The following CCSER1 variants were observed in gnomAD, a reference collection of about 807,000 sequenced individuals.
The protein encoded by CCSER1 is serine-rich coiled-coil domain-containing protein 1.
In CCSER1, 41 loss-of-function variants were observed where a neutral mutation model predicts 82.0. The ratio of observed to expected loss-of-function variants is 0.50; its 90% CI spans 0.39 to 0.65. CCSER1 has a LOEUF of 0.65. Ranked by LOEUF, CCSER1 falls within the 30% of genes least tolerant of loss-of-function variation. The probability of loss-of-function intolerance (pLI) is 0.00; values close to 1 mark genes in which losing one functional copy is unlikely to be tolerated. For missense variants in CCSER1, 1,119 were observed against 1,064.2 expected, an observed-to-expected ratio of 1.05 and a Z score of -0.72; for synonymous variants, 414 against 383.9, an observed-to-expected ratio of 1.08 and a Z score of -0.92.
At chr4:91,008,231 A>G (rs1033726420) in intron 9 of CCSER1, among the ~76,000 whole-genome samples, 15 of 152,314 alleles carry the variant, frequency 9.8e-5, no homozygotes, top group African/African-American at 3.4e-4. Flanking sequence ...GAATTCTATT[A>G]GGTTCATTTT....
chr4:90,556,555 A>G (rs1034324562), intron 5 of CCSER1, among the ~76,000 whole-genome samples: 1 of 152,106 alleles, frequency 6.6e-6, no homozygotes, highest in Non-Finnish European at 1.5e-5. Context: ...CTTACTGATA[A>G]CATAAACAAT....
intron 4 of CCSER1, among the ~76,000 whole-genome samples, chr4:90,457,150 A>G (rs1352013413): frequency 6.6e-6 from 1 of 152,148 alleles, no homozygotes; most frequent in Admixed American, 6.5e-5. Context: ...CTGCGAGGCT[A>G]TGGCTGGACC....
rs143481424 is a variant in CCSER1, at chr4:90,449,507, C to T, written c.1604-18727C>T. Among the ~76,000 whole-genome samples, 38 of 152,318 alleles carry T rather than the reference C, an allele frequency of 2.5e-4. No individual in the cohort carries two copies. In the East Asian group the frequency reaches 4.4e-3, roughly 18 times the overall value. ...GCTTCCATCAACCTGCCATTCATGA[C>T]GCTCATGGTGCCCAGGCTGTTTCTG... On this transcript the variant is annotated intron_variant, in intron 4 of 10. Transcript: ENST00000509176.
At chr4:91,177,600 T>G (rs1236801724) in intron 10 of CCSER1, among the ~76,000 whole-genome samples, 3 of 152,230 alleles carry the variant, frequency 2.0e-5, no homozygotes, top group Admixed American at 2.0e-4. Flanking sequence ...TTCTAGTTTA[T>G]TTACGTAGAG....
At chr4:90,463,421 A>T (rs1195052668) in intron 4 of CCSER1, among the ~76,000 whole-genome samples, 1 of 152,204 alleles carries the variant, frequency 6.6e-6, no homozygotes, top group Non-Finnish European at 1.5e-5. Context: ...TGAAAAGTGC[A>T]ATGACAGTAA....
At chr4:90,722,122 A>G (rs1018214310) in intron 6 of CCSER1, among the ~76,000 whole-genome samples, 1 of 151,748 alleles carries the variant, frequency 6.6e-6, no homozygotes, top group African/African-American at 2.4e-5. Context: ...TGCACTCCTC[A>G]TGTTCTTATA....
At chr4:90,721,633 C>A (rs1358432284) in intron 6 of CCSER1, among the ~76,000 whole-genome samples, 3 of 151,458 alleles carry the variant, frequency 2.0e-5, no homozygotes, top group African/African-American at 7.3e-5. Flanking sequence ...TAAATTGTAT[C>A]AGTATTGCTA....
At chr4:90,277,746 A>G (rs977103513) in intron 1 of CCSER1, among the ~76,000 whole-genome samples, 5 of 152,274 alleles carry the variant, frequency 3.3e-5, no homozygotes, top group Non-Finnish European at 5.9e-5. Flanking sequence ...AAGCCTAGGA[A>G]GTGCTCTTCT....
chr4:91,185,099 A>G (rs1343190448), intron 10 of CCSER1, among the ~76,000 whole-genome samples: 2 of 152,232 alleles, frequency 1.3e-5, no homozygotes, highest in South Asian at 2.1e-4. Flanking sequence ...CCACTCCTGT[A>G]TCTACCAAAC....
At chr4:90,997,513 T>C (rs1034876545) in intron 9 of CCSER1, among the ~76,000 whole-genome samples, 1 of 152,128 alleles carries the variant, frequency 6.6e-6, no homozygotes, top group African/African-American at 2.4e-5. Flanking sequence ...CTTCTGGGGA[T>C]TAGGGCATAG....
chr4:90,443,436 C>G (rs1429231477), intron 4 of CCSER1, among the ~76,000 whole-genome samples: 5 of 152,048 alleles, frequency 3.3e-5, no homozygotes, highest in Non-Finnish European at 5.9e-5. Flanking sequence ...ATACACTGAA[C>G]AAAGGGAAGA....
At chr4:91,520,648 T>A (rs1422569664) in intron 10 of CCSER1, among the ~76,000 whole-genome samples, 6 of 152,256 alleles carry the variant, frequency 3.9e-5, no homozygotes, top group African/African-American at 1.4e-4. Flanking sequence ...TTCAAGTTAC[T>A]GTCTGATGTC....
intron 8 of CCSER1, among the ~76,000 whole-genome samples, chr4:90,819,328 A>G (rs1190702157): frequency 1.3e-5 from 2 of 152,144 alleles, no homozygotes; most frequent in Admixed American, 6.5e-5. Context: ...CAGGGCTTCA[A>G]TACATGAATT....
At chr4:90,874,596 A>G (rs1365333863) in intron 8 of CCSER1, among the ~76,000 whole-genome samples, 1 of 152,146 alleles carries the variant, frequency 6.6e-6, no homozygotes. Context: ...ATCTATTTCT[A>G]ACTTTGTCTA....
intron 5 of CCSER1, among the ~76,000 whole-genome samples, chr4:90,472,761 G>T (rs1408567570): frequency 6.6e-6 from 1 of 152,062 alleles, no homozygotes; most frequent in African/African-American, 2.4e-5. Flanking sequence ...AGCATAGAAT[G>T]CTGGGGTCAA....
At chr4:90,300,220 T>C (rs1249181546) in intron 1 of CCSER1, among the ~76,000 whole-genome samples, 1 of 152,198 alleles carries the variant, frequency 6.6e-6, no homozygotes, top group Non-Finnish European at 1.5e-5. Context: ...TCTCACATTA[T>C]ATACGTCTTT....
intron 6 of CCSER1, among the ~76,000 whole-genome samples, chr4:90,666,495 C>T (rs1731807739): frequency 6.6e-6 from 1 of 152,066 alleles, no homozygotes; most frequent in Non-Finnish European, 1.5e-5. Flanking sequence ...AAACTAAAGT[C>T]AATGACATAT....
intron 3 of CCSER1, among the ~76,000 whole-genome samples, chr4:90,362,751 A>G (rs1745586673): frequency 6.6e-6 from 1 of 152,078 alleles, no homozygotes; most frequent in African/African-American, 2.4e-5. Flanking sequence ...CTCTTCTTTG[A>G]TTTGCCAGGA....
In CCSER1 at chr4:90,271,867, T is replaced by A. The variant is rs1388520073; in HGVS notation, c.-41-36377T>A. On this transcript the variant is annotated intron_variant, in intron 1 of 10. Coordinates refer to ENST00000509176, the MANE Select transcript of CCSER1 (RefSeq NM_001145065.2). Reference sequence around the variant, plus strand: ...ATATATATATATATATATATATTTTTTTTTTTTTTTTTTTTTTTTTTTTAA... The same window carrying A: ...ATATATATATATATATATATATTTTATTTTTTTTTTTTTTTTTTTTTTTAA... Among the ~76,000 whole-genome samples, 383 of 72,076 alleles carry A rather than the reference T, an allele frequency of 5.3e-3. 5 individuals carry two copies. The highest frequency in any genetic ancestry group is 0.016 in the African/African-American group (232 of 14,388). The allele number at this position is 72,076 out of a possible 152,430, so 47.3% of individuals were successfully genotyped here. A position where few individuals can be genotyped will look rare whatever the true frequency, so the allele number is the denominator to read the frequency against.
Sources: allele counts gnomAD v4.1 joint callset (sites outside exome capture counted in the v4.1 genomes callset), GRCh38; gene constraint gnomAD v4.1.1; transcripts MANE v1.5; gene names NCBI Gene and HGNC (gene_info 2026-07-23, HGNC 2026-07-21).